Variants in ZNF365 observed in about 807,000 individuals in gnomAD.
ZNF365 encodes the protein zinc finger protein 365, also known as protein ZNF365.
In ZNF365, 22 loss-of-function variants were observed where a neutral mutation model predicts 35.0. The ratio of observed to expected loss-of-function variants is 0.63; its 90% CI spans 0.45 to 0.90. The LOEUF is 0.90. ZNF365 is among the 40% of genes least tolerant of loss of function. The pLI is 0.00. For synonymous variants in ZNF365, 188 were observed against 196.2 expected, an observed-to-expected ratio of 0.96 and a Z score of 0.35; for missense variants, 448 against 500.3, an observed-to-expected ratio of 0.90 and a Z score of 1.00.
chr10:62,418,030 A>G (rs958122357), intron 3 of ZNF365, among the ~76,000 whole-genome samples: 2 of 152,016 alleles, frequency 1.3e-5, no homozygotes, highest in Admixed American at 6.6e-5. Context: ...TTCATTTTGG[A>G]CATAATAAAC....
intron 3 of ZNF365, among the ~76,000 whole-genome samples, chr10:62,450,234 A>G (rs764571705): frequency 1.3e-5 from 2 of 152,312 alleles, no homozygotes; most frequent in South Asian, 4.1e-4. Context: ...TGTAACAACG[A>G]TAGCTAATAA....
chr10:62,406,010 C>T (rs975748262), downstream of ZNF365, among the ~76,000 whole-genome samples: 2 of 152,166 alleles, frequency 1.3e-5, no homozygotes, highest in African/African-American at 4.8e-5. Flanking sequence ...AACCAAGATT[C>T]TTAAAGGGTA....
intron 3 of ZNF365, among the ~76,000 whole-genome samples, chr10:62,410,740 C>T (rs1389066256): frequency 6.6e-6 from 1 of 152,040 alleles, no homozygotes; most frequent in Non-Finnish European, 1.5e-5. Context: ...TATATATGTA[C>T]CACATTTTCT....
chr10:62,393,122 G>A (rs1839663903), intron 3 of ZNF365, among the ~76,000 whole-genome samples: 2 of 151,736 alleles, frequency 1.3e-5, no homozygotes, highest in Non-Finnish European at 2.9e-5. Flanking sequence ...TTTCCCACTG[G>A]AAGGTCTTCA....
At chr10:62,413,245 G>A (rs1276185417) in intron 3 of ZNF365, among the ~76,000 whole-genome samples, 1 of 152,078 alleles carries the variant, frequency 6.6e-6, no homozygotes, top group Non-Finnish European at 1.5e-5. Flanking sequence ...TGTATCACTA[G>A]TTCCTCCGAC....
In ZNF365 at chr10:62,438,237, G is replaced by A. The variant is rs534501911; in HGVS notation, c.925-21504G>A. Among the ~76,000 whole-genome samples, 6 of 150,592 alleles carry A rather than the reference G, an allele frequency of 4.0e-5. No homozygotes were observed. The East Asian group carries it at 1.2e-3, about 29-fold the overall frequency. ...AGAGTCTCACTCCATCACCCAGGCT[G>A]GAGTGCAATGGCTCTATCTCAGCTC... On this transcript the variant is annotated intron_variant, in intron 3 of 4. Transcript: ENST00000395255.
chr10:62,468,782 C>G (rs1168905659), intron 4 of ZNF365, among the ~76,000 whole-genome samples: 1 of 152,160 alleles, frequency 6.6e-6, no homozygotes, highest in African/African-American at 2.4e-5. Flanking sequence ...GAAACAATAG[C>G]CAACACCATA....
chr10:62,445,099 A>G (rs1208968216), intron 3 of ZNF365, among the ~76,000 whole-genome samples: 1 of 151,612 alleles, frequency 6.6e-6, no homozygotes, highest in Non-Finnish European at 1.5e-5. Flanking sequence ...TACAAAGGAC[A>G]TGAACTCATC....
At chr10:62,439,442 C>G (rs979748747) in intron 3 of ZNF365, among the ~76,000 whole-genome samples, 1 of 151,800 alleles carries the variant, frequency 6.6e-6, no homozygotes, top group African/African-American at 2.4e-5. Context: ...TTCCCAGATT[C>G]TCTTGCAGCT....
rs1839808924 is a variant in ZNF365 at position 62,400,494 on chromosome 10, G to A, written c.*705G>A. On this transcript the variant is annotated 3_prime_UTR_variant, in exon 5 of 5. Transcript: ENST00000395254. ...GCCGTCTTCTTTGGCTGAGTATTCT[G>A]CACCCACAGACCATGCTGCCAGCCT... The A allele has an allele frequency of 5.1e-5, 50 of 985,990 alleles. No individual in the cohort carries two copies. Among genetic ancestry groups the A allele is most frequent in the Non-Finnish European group, 5.9e-5 (49 of 829,952 alleles). The allele number at this position is 985,990 out of a possible 1,614,324, so 61.1% of individuals were successfully genotyped here.
intron 3 of ZNF365, among the ~76,000 whole-genome samples, chr10:62,454,437 A>G (rs1315880240): frequency 6.6e-6 from 1 of 152,230 alleles, no homozygotes; most frequent in Non-Finnish European, 1.5e-5. Flanking sequence ...GACACTGGGA[A>G]CTACATACTA....
intron 3 of ZNF365, among the ~76,000 whole-genome samples, chr10:62,420,281 T>A (rs998680224): frequency 6.6e-6 from 1 of 152,222 alleles, no homozygotes; most frequent in Non-Finnish European, 1.5e-5. Flanking sequence ...AATTAACTCG[T>A]AATAAATATT....
intron 4 of ZNF365, among the ~76,000 whole-genome samples, chr10:62,479,679 G>A (rs944489931): frequency 6.6e-6 from 1 of 152,172 alleles, no homozygotes; most frequent in African/African-American, 2.4e-5. Flanking sequence ...TACAGACATT[G>A]CTGGAATGGT....
chr10:62,422,794 A>G (rs1016519628), intron 3 of ZNF365, among the ~76,000 whole-genome samples: 1 of 152,132 alleles, frequency 6.6e-6, no homozygotes, highest in African/African-American at 2.4e-5. Flanking sequence ...GGGTGTTCGT[A>G]GAGTACTCCA....
intron 3 of ZNF365, among the ~76,000 whole-genome samples, chr10:62,412,662 A>C (rs1171725481): frequency 6.6e-6 from 1 of 152,146 alleles, no homozygotes; most frequent in Non-Finnish European, 1.5e-5. Context: ...CCAAATCATG[A>C]ATAACTCCCA....
chr10:62,374,458 G>A lies in ZNF365; in HGVS notation c.-14G>A, dbSNP rs998243773. 6.6e-6 allele frequency: 1 copy of A among 152,482 alleles called. No individual in the cohort carries two copies. Among genetic ancestry groups the A allele is most frequent in the South Asian group, 2.1e-4 (1 of 4,836 alleles). 9.4% of individuals were successfully genotyped at this position (152,482 alleles called of 1,614,324 possible). A position where few individuals can be genotyped will look rare whatever the true frequency, so the allele number is the denominator to read the frequency against. ...CTGCAGCAGCAGCAGCAACAAGTCG[G>A]GTAAGAGGCGGCCGCCGGCCATCTG... On this transcript the variant is annotated splice_region_variant and 5_prime_UTR_variant, in exon 1 of 5. Transcript: ENST00000395254.
At chr10:62,407,768 A>G (rs1839926410) in intron 3 of ZNF365, among the ~76,000 whole-genome samples, 1 of 152,208 alleles carries the variant, frequency 6.6e-6, no homozygotes, top group African/African-American at 2.4e-5. Context: ...ATCTATGGTA[A>G]GATAGAAAAT....
At chr10:62,375,940 C>G (rs1839317759) in intron 1 of ZNF365, 6 of 464,962 alleles carry the variant, frequency 1.3e-5, no homozygotes, top group Non-Finnish European at 1.9e-5. Flanking sequence ...CTCAGTTACT[C>G]ACCACTGCCA....
At chr10:62,470,881 T>C (rs570784415) in intron 4 of ZNF365, among the ~76,000 whole-genome samples, 1 of 152,296 alleles carries the variant, frequency 6.6e-6, no homozygotes, top group East Asian at 1.9e-4. Flanking sequence ...AAAAATTTTT[T>C]CCTGGTTTAT....
Sources: gnomAD v4.1 joint callset for allele counts (sites outside exome capture counted in the v4.1 genomes callset) on GRCh38, gnomAD v4.1.1 for gene constraint, MANE v1.5 for transcripts, NCBI Gene and HGNC (gene_info 2026-07-23, HGNC 2026-07-21) for gene names.